Variants in POLDIP3 observed in about 807,000 individuals in gnomAD.
POLDIP3 encodes polymerase delta-interacting protein 3.
Under a neutral mutation model 45.1 loss-of-function variants are expected in POLDIP3, and 14 were observed. That is an observed-to-expected ratio of 0.31 (90% CI 0.20 to 0.49). The LOEUF (loss-of-function observed/expected upper bound fraction) is 0.49, where lower values mean the gene tolerates loss of function less well. Ranked by LOEUF, POLDIP3 falls within the 20% of genes least tolerant of loss-of-function variation. POLDIP3 has a pLI of 0.99. For missense variants in POLDIP3, 511 were observed against 538.8 expected (o/e 0.95, Z 0.51); for synonymous variants, 223 against 205.2 (o/e 1.09, Z -0.74).
chr22:42,595,438 G>T, intron 6 of POLDIP3, 99 bp downstream of exon 6: 3 of 1,034,978 alleles, frequency 2.9e-6, no homozygotes, highest in South Asian at 2.6e-5. Flanking sequence ...GCTGAGTCTG[G>T]TGAGTCCTAG....
intron 1 of POLDIP3, among the ~76,000 whole-genome samples, chr22:42,608,042 C>T (rs1926874370): frequency 2.6e-5 from 4 of 152,118 alleles, no homozygotes; most frequent in Non-Finnish European, 2.9e-5. Flanking sequence ...GCCCGGCCGC[C>T]ACCCCGTCTG....
Position 42,592,176 on chromosome 22 carries a change from C to T in POLDIP3, c.892-92G>A, listed in dbSNP as rs1925708157. ...AAGGCCCTGGGGTGTGGTGGTTCCG[C>T]TGCAGCTAAATGCGCCCTGCGCCTG... On this transcript the variant is annotated intron_variant, in intron 6 of 8. Transcript: ENST00000252115. 16 of 1,564,534 alleles carry T rather than the reference C, an allele frequency of 1.0e-5. No individual in the cohort carries two copies. In the South Asian group the frequency reaches 1.7e-4, roughly 17 times the overall value.
chr22:42,602,954 C>T lies in POLDIP3; in HGVS notation c.266G>A (p.Gly89Glu). 1 of 1,614,118 alleles carries T rather than the reference C, an allele frequency of 6.2e-7. No individual in the cohort carries two copies. Among genetic ancestry groups the T allele is most frequent in the Non-Finnish European group, 8.5e-7 (1 of 1,180,024 alleles). Residue 89 changes from glycine (G) to glutamate (E), a missense_variant, in exon 2 of 9, where the codon GGG (glycine) becomes GAG (glutamate). By Grantham distance (98) the Gly-to-Glu change is moderately conservative (BLOSUM62 -2). Around this residue, in one of 4 missense-constraint regions of POLDIP3, gnomAD observed 378 missense variants for 352.3 expected, o/e 1.07. Transcript: ENST00000252115. ...CATCTCTCTGGCATCCTGCACTTTCCCTTTGATTCGAAATCGGGCATCTTT... is the reference window on the plus strand; with the variant it reads ...CATCTCTCTGGCATCCTGCACTTTCTCTTTGATTCGAAATCGGGCATCTTT... Reference protein sequence around the residue: ...LQKDARFRIKGKVQDAREMLN... With the variant: ...LQKDARFRIKEKVQDAREMLN...
At chr22:42,606,216 C>T (rs1255610999) in intron 1 of POLDIP3, among the ~76,000 whole-genome samples, 2 of 143,306 alleles carry the variant, frequency 1.4e-5, no homozygotes, top group East Asian at 4.1e-4. Context: ...TTCACACAGA[C>T]TTTTTTTTTT....
intron 8 of POLDIP3, among the ~76,000 whole-genome samples, chr22:42,586,278 T>C (rs180963633): frequency 7.3e-4 from 111 of 152,282 alleles, no homozygotes; most frequent in African/African-American, 2.5e-3. Flanking sequence ...GCTGTGTTTT[T>C]CTTATTTACT....
rs531768394 is a variant in POLDIP3, at chr22:42,600,625, CA to C, written c.538-833del. Among the ~76,000 whole-genome samples the C allele has an allele frequency of 8.2e-3, 1,004 of 121,888 alleles. 5 individuals carry two copies. The highest frequency in any genetic ancestry group is 0.022 in the African/African-American group (734 of 33,002). 80.0% of individuals were successfully genotyped at this position (121,888 alleles called of 152,430 possible). ...TGAGTGACAGAGCGAGACTCGGTCT[CA>C]AAAAAAAAAAAAGAATATATAACCA... On this transcript the variant is annotated intron_variant, in intron 3 of 8. Coordinates refer to ENST00000252115, the MANE Select transcript of POLDIP3 (RefSeq NM_032311.5).
In POLDIP3 at chr22:42,591,882, C is replaced by G. The variant is rs1925686798; in HGVS notation, c.1021+73G>C. 1.9e-6 allele frequency: 3 copies of G among 1,594,132 alleles called. No individual in the cohort carries two copies. The African/African-American group carries it at 4.0e-5, about 21-fold the overall frequency. ...TCCACCCATCTCACAGAGACTTCCCCTGGAAGGCCTGCTACCTGACAGCAA... is the reference window on the plus strand; with the variant it reads ...TCCACCCATCTCACAGAGACTTCCCGTGGAAGGCCTGCTACCTGACAGCAA... On this transcript the variant is annotated intron_variant, in intron 7 of 8. Coordinates refer to ENST00000252115, the MANE Select transcript of POLDIP3 (RefSeq NM_032311.5).
Position 42,599,762 on chromosome 22 carries a change from C to T in POLDIP3, c.569G>A (p.Gly190Asp), listed in dbSNP as rs1162459218. Residue 190 changes from glycine (G) to aspartate (D), a missense_variant, in exon 4 of 9, where the codon GGT (glycine) becomes GAT (aspartate). By Grantham distance (94) the Gly-to-Asp change is moderately conservative. Transcript: ENST00000252115. Reference protein sequence around the residue: ...NLYDLDEDDDGIASVPTKQMK... With the variant: ...NLYDLDEDDDDIASVPTKQMK... The stretch of plus-strand genomic sequence containing the variant: ...CTGTTTAGTAGGAACGGAAGCTATA[C>T]CATCATCATCTTCATCCAGGTCATA... The T allele has an allele frequency of 3.7e-6, 6 of 1,611,410 alleles. No homozygotes were observed. Among genetic ancestry groups the T allele is most frequent in the Non-Finnish European group, 5.1e-6 (6 of 1,177,956 alleles).
At chr22:42,590,507 T>C (rs5996194) in intron 7 of POLDIP3, among the ~76,000 whole-genome samples, 23,277 of 151,714 alleles carry the variant, frequency 0.15, 3,123 homozygotes, top group East Asian at 0.56. Context: ...CTCTACTGAG[T>C]AGAGTAGGCA....
rs189231228 is a variant in POLDIP3 at position 42,585,473 on chromosome 22, G to C, written c.*318C>G. The C allele has an allele frequency of 5.2e-6, 2 of 380,984 alleles. No individual in the cohort carries two copies. The highest frequency in any genetic ancestry group is 2.3e-5 in the South Asian group (1 of 44,158). The allele number at this position is 380,984 out of a possible 1,614,324, so 23.6% of individuals were successfully genotyped here. A position where few individuals can be genotyped will look rare whatever the true frequency, so the allele number is the denominator to read the frequency against. ...CATGGGGCCACAAGAAAGCCACCCA[G>C]AGAATTCAGTGTACCATTTCCAGAT... On this transcript the variant is annotated 3_prime_UTR_variant, in exon 9 of 9. Transcript: ENST00000252115.
chr22:42,601,641 G>A (rs1370166500), intron 3 of POLDIP3, among the ~76,000 whole-genome samples: 5 of 152,014 alleles, frequency 3.3e-5, no homozygotes, highest in Non-Finnish European at 7.4e-5. Context: ...CGCGCCTGTA[G>A]TCCCAGATAC....
At chr22:42,612,474 G>A (rs112091087) in intron 1 of POLDIP3, among the ~76,000 whole-genome samples, 10 of 152,310 alleles carry the variant, frequency 6.6e-5, no homozygotes, top group African/African-American at 2.4e-4. Context: ...ATGCCTTTAA[G>A]GAAAGGTCCA....
In POLDIP3 at chr22:42,614,819, G is replaced by A. The variant is rs772505268; in HGVS notation, c.39C>T (p.Arg13=). ...CTCACCGTCCTTTCGCCGCCGCCCCGCGCTTCCTGATGAGTTCGTCCAGGG... is the reference window on the plus strand; with the variant it reads ...CTCACCGTCCTTTCGCCGCCGCCCCACGCTTCCTGATGAGTTCGTCCAGGG... The part of the protein sequence containing the change: ...DISLDELIRK[R]GAAAKGRLNA... The change falls in exon 1 of 9, where the codon CGC becomes CGT. Residue 13 remains arginine, a synonymous_variant. Transcript: ENST00000252115. 4 of 1,614,030 alleles carry A rather than the reference G, an allele frequency of 2.5e-6. No homozygotes were observed. Among genetic ancestry groups the A allele is most frequent in the Non-Finnish European group, 3.4e-6 (4 of 1,179,944 alleles).
intron 1 of POLDIP3, among the ~76,000 whole-genome samples, chr22:42,609,611 A>G (rs1198735046): frequency 6.6e-6 from 1 of 152,110 alleles, no homozygotes; most frequent in Non-Finnish European, 1.5e-5. Context: ...TATAAAGCAG[A>G]TTTTAACCCA....
chr22:42,584,906 G>A lies in POLDIP3; in HGVS notation c.*885C>T. 1 of 456,282 alleles carries A rather than the reference G, an allele frequency of 2.2e-6. No homozygotes were observed. Among genetic ancestry groups the A allele is most frequent in the Non-Finnish European group, 4.4e-6 (1 of 226,962 alleles). 28.3% of individuals were successfully genotyped at this position (456,282 alleles called of 1,614,324 possible). On this transcript the variant is annotated 3_prime_UTR_variant, in exon 9 of 9. Coordinates refer to ENST00000252115, the MANE Select transcript of POLDIP3 (RefSeq NM_032311.5). ...CCATTCAAATAAGCTCCAAACCCAA[G>A]CACTGCACAATGGGAGGCTGAGCCT...
chr22:42,606,443 C>A (rs962150872), intron 1 of POLDIP3, among the ~76,000 whole-genome samples: 3 of 151,960 alleles, frequency 2.0e-5, no homozygotes, highest in African/African-American at 7.3e-5. Flanking sequence ...CCAGCCTGGG[C>A]AATATAGTGA....
chr22:42,596,485 T>A, intron 4 of POLDIP3, 120 bp from the exon 5 acceptor site: 7 of 1,004,204 alleles, frequency 7.0e-6, no homozygotes, highest in Non-Finnish European at 8.6e-6. Context: ...TCTCTAATTC[T>A]ATTAGAGGTC....
At chr22:42,614,759 C>T in intron 1 of POLDIP3, 40 bp downstream of exon 1, 4 of 1,610,118 alleles carry the variant, frequency 2.5e-6, no homozygotes, top group Non-Finnish European at 3.4e-6. Flanking sequence ...CTCCACTAGG[C>T]CGAGGACCCT....
chr22:42,599,646 C>T, intron 4 of POLDIP3, 52 bp downstream of exon 4: 1 of 1,345,288 alleles, frequency 7.4e-7, no homozygotes, highest in South Asian at 1.2e-5. Flanking sequence ...AACACGACCT[C>T]TCCCACCTGC....
Sources: allele counts gnomAD v4.1 joint callset (sites outside exome capture counted in the v4.1 genomes callset), GRCh38; gene constraint gnomAD v4.1.1; regional missense constraint gnomAD v4.1.1; transcripts MANE v1.5; gene names NCBI Gene and HGNC (gene_info 2026-07-23, HGNC 2026-07-21).